ARHGAP22: variants seen among roughly 807,000 people sequenced by gnomAD.
ARHGAP22 encodes the protein Rho GTPase activating protein 22, also known as rho GTPase-activating protein 22.
ARHGAP22 carries 48 observed loss-of-function variants against 59.1 expected under a neutral mutation model. The ratio of observed to expected loss-of-function variants is 0.81; its 90% CI spans 0.64 to 1.03. The LOEUF (loss-of-function observed/expected upper bound fraction) is 1.03, where lower values mean the gene tolerates loss of function less well. Ranked by LOEUF, ARHGAP22 falls within the 50% of genes least tolerant of loss-of-function variation. ARHGAP22 has a pLI of 0.00. For missense variants in ARHGAP22, 1,015 were observed against 958.7 expected (o/e 1.06, Z -0.78); for synonymous variants, 445 against 416.4 (o/e 1.07, Z -0.84).
At chr10:48,472,176 C>G (rs1297792082) in intron 4 of ARHGAP22, among the ~76,000 whole-genome samples, 1 of 151,246 alleles carries the variant, frequency 6.6e-6, no homozygotes, top group Admixed American at 6.6e-5. Flanking sequence ...TCACTGCACT[C>G]TAGCCTGGGT....
chr10:48,440,348 A>G, the ARHGAP22 span, among the ~76,000 whole-genome samples: 1 of 152,224 alleles, frequency 6.6e-6, no homozygotes, highest in African/African-American at 2.4e-5. Context: ...TCATCCATTA[A>G]TGGAAGCATA....
At chr10:48,503,410 C>T (rs1443471792) in intron 3 of ARHGAP22, among the ~76,000 whole-genome samples, 1 of 152,182 alleles carries the variant, frequency 6.6e-6, no homozygotes, top group African/African-American at 2.4e-5. Flanking sequence ...GTCAACCTGT[C>T]CAGTGACTCT....
chr10:48,520,890 C>G (rs1757034118), intron 3 of ARHGAP22, among the ~76,000 whole-genome samples: 1 of 152,140 alleles, frequency 6.6e-6, no homozygotes, highest in Non-Finnish European at 1.5e-5. Flanking sequence ...CCCCTCGCTG[C>G]CCTGGAACAA....
chr10:48,454,715 G>C (rs1466191513), intron 6 of ARHGAP22, among the ~76,000 whole-genome samples: 1 of 152,178 alleles, frequency 6.6e-6, no homozygotes, highest in African/African-American at 2.4e-5. Flanking sequence ...TGGTGTGACA[G>C]CCAGAGCTGG....
At chr10:48,502,361 C>T (rs2051611623) in intron 3 of ARHGAP22, among the ~76,000 whole-genome samples, 2 of 152,172 alleles carry the variant, frequency 1.3e-5, no homozygotes, top group Admixed American at 1.3e-4. Context: ...GGGGAATGCC[C>T]AGGCACTGCC....
intron 1 of ARHGAP22, among the ~76,000 whole-genome samples, chr10:48,641,796 A>C (rs571148333): frequency 1.3e-5 from 2 of 152,358 alleles, no homozygotes; most frequent in East Asian, 3.9e-4. Flanking sequence ...GAAATGAGGA[A>C]GTCAAATTGT....
At chr10:48,473,261 T>A (rs953513016) in intron 4 of ARHGAP22, among the ~76,000 whole-genome samples, 2 of 152,096 alleles carry the variant, frequency 1.3e-5, no homozygotes, top group African/African-American at 4.8e-5. Context: ...ACTACAGGAT[T>A]CTACTTACAT....
At chr10:48,464,299 T>C (rs1450146268) in intron 4 of ARHGAP22, among the ~76,000 whole-genome samples, 1 of 152,178 alleles carries the variant, frequency 6.6e-6, no homozygotes, top group South Asian at 2.1e-4. Flanking sequence ...GCCCACCATT[T>C]GTACAGTGCC....
intron 2 of ARHGAP22, among the ~76,000 whole-genome samples, chr10:48,568,649 G>A (rs934780782): frequency 4.6e-5 from 7 of 152,244 alleles, no homozygotes; most frequent in African/African-American, 1.4e-4. Context: ...GGCATTGACT[G>A]CTGCACCATT....
intron 1 of ARHGAP22, among the ~76,000 whole-genome samples, chr10:48,639,074 G>C (rs2061939165): frequency 6.6e-6 from 1 of 152,228 alleles, no homozygotes. Context: ...GCTTTGCACT[G>C]TTGTACTGTT....
chr10:48,563,442 G>A (rs927093906), intron 2 of ARHGAP22, among the ~76,000 whole-genome samples: 1 of 152,032 alleles, frequency 6.6e-6, no homozygotes, highest in Non-Finnish European at 1.5e-5. Context: ...CGCCCGTCTC[G>A]GCCTCCCAAA....
intron 3 of ARHGAP22, among the ~76,000 whole-genome samples, chr10:48,483,101 G>A (rs542113299): frequency 1.3e-5 from 2 of 152,148 alleles, no homozygotes; most frequent in African/African-American, 2.4e-5. Context: ...CAAATGACAC[G>A]ATTTCATTCC....
intron 1 of ARHGAP22, among the ~76,000 whole-genome samples, chr10:48,601,007 C>T (rs1171475642): frequency 6.6e-6 from 1 of 152,204 alleles, no homozygotes; most frequent in Non-Finnish European, 1.5e-5. Context: ...GCATATCTTA[C>T]TGACCATTCT....
At chr10:48,517,365 G>T (rs1280765516) in intron 3 of ARHGAP22, among the ~76,000 whole-genome samples, 2 of 152,192 alleles carry the variant, frequency 1.3e-5, no homozygotes, top group African/African-American at 2.4e-5. Context: ...CTGGCTGGGG[G>T]TGGGCGATAG....
intron 8 of ARHGAP22, chr10:48,451,693 C>T: frequency 5.1e-6 from 3 of 591,402 alleles, no homozygotes; most frequent in Admixed American, 2.8e-5. Context: ...ACGTACAATG[C>T]ACCCCATCCA....
chr10:48,587,521 G>A (rs77078588), intron 1 of ARHGAP22, among the ~76,000 whole-genome samples: 11,394 of 152,230 alleles, frequency 0.075, 461 homozygotes, highest in Middle Eastern at 0.11. Flanking sequence ...ATGAGACTTG[G>A]CAGATGTTGT....
intron 6 of ARHGAP22, 121 bp from the exon 7 acceptor site, chr10:48,454,282 AC>A: frequency 1.1e-6 from 1 of 870,684 alleles, no homozygotes; most frequent in Non-Finnish European, 1.9e-6. Flanking sequence ...GCCCCAACAG[AC>A]CAGAGGGCTC....
At chr10:48,607,707 G>A (rs560147271), upstream of ARHGAP22, among the ~76,000 whole-genome samples, 1 of 152,342 alleles carries the variant, frequency 6.6e-6, no homozygotes, top group Admixed American at 6.5e-5. Flanking sequence ...GTCTAGCTTA[G>A]CAGCGGAGAC....
intron 3 of ARHGAP22, among the ~76,000 whole-genome samples, chr10:48,490,633 G>C (rs1236708289): frequency 6.6e-6 from 1 of 152,182 alleles, no homozygotes; most frequent in Non-Finnish European, 1.5e-5. Context: ...CCACTTCGGT[G>C]GCCACAGCTA....
Sources: allele counts gnomAD v4.1 joint callset (sites outside exome capture counted in the v4.1 genomes callset), GRCh38; gene constraint gnomAD v4.1.1; transcripts MANE v1.5; gene names NCBI Gene and HGNC (gene_info 2026-07-23, HGNC 2026-07-21).